Variants in EDNRA observed in about 807,000 individuals in gnomAD.
EDNRA encodes the protein endothelin receptor type A.
EDNRA carries 11 observed loss-of-function variants against 41.4 expected under a neutral mutation model. That is an observed-to-expected ratio of 0.27 (90% CI 0.17 to 0.44). EDNRA has a LOEUF of 0.44. Among genes scored for constraint, EDNRA ranks in the 20% least tolerant of loss-of-function variants. The pLI is 1.00. For synonymous variants in EDNRA, 172 were observed against 183.0 expected (o/e 0.94, Z 0.49); for missense variants, 294 against 531.0 (o/e 0.55, Z 4.39).
chr4:147,539,411 A>C (rs1731023104), intron 5 of EDNRA, among the ~76,000 whole-genome samples: 1 of 151,932 alleles, frequency 6.6e-6, no homozygotes, highest in South Asian at 2.1e-4. Flanking sequence ...CCTGTTATTA[A>C]GAGTCATTAG....
chr4:147,539,181 A>G (rs1223206941), intron 5 of EDNRA, among the ~76,000 whole-genome samples: 1 of 151,950 alleles, frequency 6.6e-6, no homozygotes, highest in Non-Finnish European at 1.5e-5. Flanking sequence ...TATGTCATTA[A>G]GAAACTACAT....
chr4:147,502,451 G>A (rs184498243), intron 2 of EDNRA, among the ~76,000 whole-genome samples: 15 of 152,266 alleles, frequency 9.9e-5, no homozygotes, highest in African/African-American at 2.9e-4. Flanking sequence ...TATCAAAAAA[G>A]TACTCATAAT....
chr4:147,503,880 A>C (rs1198620828), intron 2 of EDNRA, among the ~76,000 whole-genome samples: 1 of 152,152 alleles, frequency 6.6e-6, no homozygotes, highest in Non-Finnish European at 1.5e-5. Flanking sequence ...ATTTTATAAA[A>C]AATATTTATT....
intron 2 of EDNRA, among the ~76,000 whole-genome samples, chr4:147,505,327 ATTT>A (rs869077171): frequency 5.1e-4 from 41 of 79,678 alleles, no homozygotes; most frequent in African/African-American, 1.4e-3. Flanking sequence ...TTCTTTTTTC[ATTT>A]TTTTTTTTTT....
chr4:147,538,457 G>A (rs1224589322), intron 5 of EDNRA, among the ~76,000 whole-genome samples: 1 of 152,184 alleles, frequency 6.6e-6, no homozygotes, highest in Admixed American at 6.5e-5. Context: ...CAGGAGAATG[G>A]ATATTGGTTA....
chr4:147,485,831 C>T lies in EDNRA; in HGVS notation c.150C>T (p.Thr50=). Residue 50 remains threonine, a synonymous_variant, in exon 2 of 8, where the codon ACC becomes ACT. Coordinates refer to ENST00000651419, the MANE Select transcript of EDNRA (RefSeq NM_001957.4). ...FRGTELSFLV[T]THQPTNLVLP... ...GCACAGAGCTCAGCTTCCTGGTTACCACTCATCAACCCACTAATTTGGTCC... is the reference window on the plus strand; with the variant it reads ...GCACAGAGCTCAGCTTCCTGGTTACTACTCATCAACCCACTAATTTGGTCC... 6.2e-7 allele frequency: 1 copy of T among 1,614,214 alleles called. No homozygotes were observed. The highest frequency in any genetic ancestry group is 1.7e-5 in the Admixed American group (1 of 60,030).
At chr4:147,494,890 T>A (rs1383043459) in intron 2 of EDNRA, 1 of 152,156 alleles carries the variant, frequency 6.6e-6, no homozygotes, top group Non-Finnish European at 1.5e-5. Context: ...GCACAGTGGC[T>A]CATGCTTGTA....
At chr4:147,536,142 C>T (rs2126480950) in intron 5 of EDNRA, 113 bp downstream of exon 5, 1 of 1,261,500 alleles carries the variant, frequency 7.9e-7, no homozygotes, top group East Asian at 2.4e-5. Flanking sequence ...AATAAAAATA[C>T]TATCCTGTAA....
chr4:147,509,803 C>A (rs1344950164), intron 2 of EDNRA, among the ~76,000 whole-genome samples: 1 of 152,032 alleles, frequency 6.6e-6, no homozygotes, highest in Non-Finnish European at 1.5e-5. Flanking sequence ...GGAAAACAAG[C>A]TGAGGGCTCC....
rs1469453376 is a variant in EDNRA at position 147,535,885 on chromosome 4, A to C, written c.756A>C (p.Gln252His). The change falls in exon 5 of 8, where the codon CAA becomes CAC. Residue 252 changes from glutamine to histidine, a missense_variant. This residue lies in a region of EDNRA where 185 missense variants were observed against 390.8 expected (regional missense o/e 0.47). Transcript: ENST00000651419. ...TTTTTTTCACTTTGAAGTTCTACCA[A>C]GATGTAAAGGACTGGTGGCTCTTCG... ...NATSKFMEFYQDVKDWWLFGF... is the reference protein window; with the variant it reads ...NATSKFMEFYHDVKDWWLFGF... 1 of 1,612,758 alleles carries C rather than the reference A, an allele frequency of 6.2e-7. No homozygotes were observed. The highest frequency in any genetic ancestry group is 1.7e-5 in the Admixed American group (1 of 59,858).
chr4:147,503,043 A>G (rs1356256251), intron 2 of EDNRA, among the ~76,000 whole-genome samples: 1 of 151,902 alleles, frequency 6.6e-6, no homozygotes, highest in Non-Finnish European at 1.5e-5. Flanking sequence ...ATATTTTTAC[A>G]TTTTCTTTTG....
chr4:147,529,429 A>G (rs892996495), intron 3 of EDNRA, among the ~76,000 whole-genome samples: 2 of 152,224 alleles, frequency 1.3e-5, no homozygotes, highest in Admixed American at 6.5e-5. Flanking sequence ...AGGAGAGCGC[A>G]TAGACAGAAA....
chr4:147,499,956 C>G (rs1034177852), intron 2 of EDNRA, among the ~76,000 whole-genome samples: 11 of 152,084 alleles, frequency 7.2e-5, no homozygotes, highest in South Asian at 2.1e-4. Context: ...AGGTGCCCAC[C>G]ACCACACCCA....
intron 2 of EDNRA, among the ~76,000 whole-genome samples, chr4:147,507,814 T>C (rs1197915483): frequency 6.6e-6 from 1 of 152,242 alleles, no homozygotes; most frequent in Non-Finnish European, 1.5e-5. Context: ...CCAACACTTA[T>C]TATTGTCAGT....
chr4:147,503,902 A>G (rs1204494993), intron 2 of EDNRA, among the ~76,000 whole-genome samples: 1 of 152,160 alleles, frequency 6.6e-6, no homozygotes, highest in Non-Finnish European at 1.5e-5. Flanking sequence ...ATTTTCATGA[A>G]CATAACCCCA....
At chr4:147,529,192 G>A (rs1196605057) in intron 3 of EDNRA, among the ~76,000 whole-genome samples, 1 of 152,206 alleles carries the variant, frequency 6.6e-6, no homozygotes, top group African/African-American at 2.4e-5. Flanking sequence ...TTTGGGGCCA[G>A]AGATGGGAAC....
intron 2 of EDNRA, chr4:147,489,997 A>G (rs1729081777): frequency 6.6e-6 from 1 of 152,230 alleles, no homozygotes; most frequent in Non-Finnish European, 1.5e-5. Context: ...ATTCTCAGAG[A>G]GACTGAATGT....
intron 2 of EDNRA, among the ~76,000 whole-genome samples, chr4:147,502,384 G>T (rs1392919733): frequency 6.6e-6 from 1 of 152,016 alleles, no homozygotes; most frequent in Non-Finnish European, 1.5e-5. Flanking sequence ...TTAAATTATT[G>T]ATATTTAGAA....
At chr4:147,524,343 C>T (rs1730455465) in intron 3 of EDNRA, among the ~76,000 whole-genome samples, 1 of 151,988 alleles carries the variant, frequency 6.6e-6, no homozygotes, top group South Asian at 2.1e-4. Flanking sequence ...AAAGTTAGGT[C>T]ATAGATTCCT....
Sources: gnomAD v4.1 joint callset for allele counts (sites outside exome capture counted in the v4.1 genomes callset) on GRCh38, gnomAD v4.1.1 for gene constraint, gnomAD v4.1.1 regional missense constraint, MANE v1.5 for transcripts, NCBI Gene and HGNC (gene_info 2026-07-23, HGNC 2026-07-21) for gene names.